Variants in ALMS1 observed in about 807,000 individuals in gnomAD.
ALMS1 encodes the protein centrosome-associated protein ALMS1.
ALMS1 carries 271 observed loss-of-function variants against 352.2 expected under a neutral mutation model. That is an observed-to-expected ratio of 0.77 (90% confidence interval 0.70 to 0.85). The LOEUF (loss-of-function observed/expected upper bound fraction) is 0.85. Ranked by LOEUF, ALMS1 falls within the 40% of genes least tolerant of loss-of-function variation. The pLI, the probability that ALMS1 is intolerant of heterozygous loss-of-function variation, is 0.00. For synonymous variants in ALMS1, 1,865 were observed against 1,761.2 expected, an observed-to-expected ratio of 1.06 and a Z score of -1.48; for missense variants, 5,445 against 4,870.7, an observed-to-expected ratio of 1.12 and a Z score of -3.51.
chr2:73,525,875 C>T (rs1190519183), intron 11 of ALMS1, among the ~76,000 whole-genome samples: 1 of 152,118 alleles, frequency 6.6e-6, no homozygotes, highest in Non-Finnish European at 1.5e-5. Context: ...AGAGAGTTTT[C>T]TCAGTGTTTT....
In ALMS1 at chr2:73,452,022, G is replaced by A. The variant is rs981510177; in HGVS notation, c.5495G>A (p.Arg1832Lys). 5.0e-6 allele frequency: 8 copies of A among 1,612,382 alleles called. No homozygotes were observed. The highest frequency in any genetic ancestry group is 6.8e-6 in the Non-Finnish European group (8 of 1,179,364). ...HFTEAGLKIL[R>K]VPGPADQKTG... ...ACTGAAGCAGGTTTGAAAATTTTAA[G>A]AGTTCCTGGACCAGCTGACCAGAAG... is the stretch of plus-strand genomic sequence containing the variant. Residue 1832 changes from arginine to lysine, a missense_variant, in exon 8 of 23, where the codon AGA becomes AAA. By Grantham distance (26) the Arg-to-Lys change is conservative. Coordinates refer to ENST00000613296, the MANE Select transcript of ALMS1 (RefSeq NM_001378454.1).
chr2:73,402,226 C>G (rs954440612), intron 1 of ALMS1, among the ~76,000 whole-genome samples: 4 of 147,324 alleles, frequency 2.7e-5, no homozygotes, highest in Non-Finnish European at 4.5e-5. Flanking sequence ...CTAGGTCATA[C>G]AAGAAAAGTA....
chr2:73,559,111 C>T lies in ALMS1; in HGVS notation c.10353C>T (p.Asn3451=), dbSNP rs1209953727. 1 of 1,613,754 alleles carries T rather than the reference C, an allele frequency of 6.2e-7. No homozygotes were observed. Among genetic ancestry groups the T allele is most frequent in the South Asian group, 1.1e-5 (1 of 91,050 alleles). The change falls in exon 15 of 23, where the codon AAC becomes AAT. Residue 3451 remains asparagine (N), a synonymous_variant. Transcript: ENST00000613296. The part of the protein sequence containing the change: ...KKTVPEEAWP[N]NKESLQINIE... ...CAGTTCCCGAGGAAGCCTGGCCAAACAATAAAGAATCCCTACAGATCAATA... is the reference window on the plus strand; with the variant it reads ...CAGTTCCCGAGGAAGCCTGGCCAAATAATAAAGAATCCCTACAGATCAATA...
At chr2:73,526,131 G>C (rs1673786325) in intron 11 of ALMS1, among the ~76,000 whole-genome samples, 1 of 152,080 alleles carries the variant, frequency 6.6e-6, no homozygotes, top group Non-Finnish European at 1.5e-5. Context: ...TGTTTCATTG[G>C]TTTATGTGCC....
rs1672977988 is a variant in ALMS1 at position 73,491,193 on chromosome 2, G to A, written c.9234G>A (p.Arg3078=). ...CATTGGATGCTGCTTCTAAAGCGAG[G>A]ATGAATAGTGAGTTTAACTTTGACT... ...FHSLDAASKA[R]MNSEFNFDLH... The change falls in exon 10 of 23, where the codon AGG becomes AGA. Residue 3078 remains arginine (R), a synonymous_variant. Coordinates refer to ENST00000613296, the MANE Select transcript of ALMS1 (RefSeq NM_001378454.1). 2 of 1,614,162 alleles carry A rather than the reference G, an allele frequency of 1.2e-6. No homozygotes were observed. Among genetic ancestry groups the A allele is most frequent in the Admixed American group, 1.7e-5 (1 of 60,022 alleles).
At chr2:73,551,099 T>C (rs1674422368) in intron 13 of ALMS1, among the ~76,000 whole-genome samples, 1 of 152,190 alleles carries the variant, frequency 6.6e-6, no homozygotes, top group Non-Finnish European at 1.5e-5. Flanking sequence ...CCTCAAGCTG[T>C]CTACCAGCCT....
At chr2:73,496,075 A>G (rs1258968572) in intron 10 of ALMS1, among the ~76,000 whole-genome samples, 2 of 152,338 alleles carry the variant, frequency 1.3e-5, no homozygotes, top group Admixed American at 6.5e-5. Flanking sequence ...ATATAGATTC[A>G]TTAGTCACAT....
rs367656336 is a variant in ALMS1 at position 73,453,164 on chromosome 2, G to T, written c.6637G>T (p.Asp2213Tyr). The T allele has an allele frequency of 3.5e-5, 56 of 1,613,904 alleles. No individual in the cohort carries two copies. In the African/African-American group the frequency reaches 7.1e-4, roughly 20 times the overall value. The part of the protein sequence containing the change: ...QRLIDNLNSS[D>Y]SSVSSNNVLL... ...GCTAATAGATAATTTGAATTCTTCTGACTCCAGTGTTAGCTCAAATAATGT... is the reference window on the plus strand; with the variant it reads ...GCTAATAGATAATTTGAATTCTTCTTACTCCAGTGTTAGCTCAAATAATGT... Residue 2213 changes from aspartate to tyrosine, a missense_variant, in exon 8 of 23, where the codon GAC (aspartate) becomes TAC (tyrosine). Asp to Tyr is a radical substitution (Grantham distance 160). Transcript: ENST00000613296.
chr2:73,389,177 T>G (rs1327105430), intron 1 of ALMS1, among the ~76,000 whole-genome samples: 2 of 152,230 alleles, frequency 1.3e-5, no homozygotes, highest in East Asian at 3.8e-4. Context: ...TAATTTGCAT[T>G]TCTCTGATGC....
chr2:73,581,609 GTTTTCCGTAT>G (rs1675179414), intron 16 of ALMS1, among the ~76,000 whole-genome samples: 1 of 152,182 alleles, frequency 6.6e-6, no homozygotes, highest in Non-Finnish European at 1.5e-5. Flanking sequence ...GGCTTTGACA[GTTTTCCGTAT>G]TTTTTGGTGT....
rs1320008798 is a variant in ALMS1, at chr2:73,491,237, G to T, written c.9278G>T (p.Arg3093Ile). Residue 3093 changes from arginine to isoleucine, a missense_variant, in exon 10 of 23, where the codon AGA (arginine) becomes ATA (isoleucine). By Grantham distance (97) the Arg-to-Ile change is moderately conservative (BLOSUM62 -3). Coordinates refer to ENST00000613296, the MANE Select transcript of ALMS1 (RefSeq NM_001378454.1). Reference protein sequence around the residue: ...FNFDLHTVSSRSLEPTSKLLT... With the variant: ...FNFDLHTVSSISLEPTSKLLT... ...TTTGACTTACATACTGTATCTTCGA[G>T]ATCACTGGAACCAACCTCCAAATTA... is the stretch of plus-strand genomic sequence containing the variant. 1.1e-5 allele frequency: 18 copies of T among 1,614,102 alleles called. No individual in the cohort carries two copies. Among genetic ancestry groups the T allele is most frequent in the Non-Finnish European group, 1.5e-5 (18 of 1,180,006 alleles).
Position 73,452,150 on chromosome 2 carries a change from G to T in ALMS1, c.5623G>T (p.Ala1875Ser). Reference sequence around the variant, plus strand: ...AGATCTTACTGAAGTAACTTTGAAAGCAATAGGGGTTCCTGGGCCTGCTGA... The same window carrying T: ...AGATCTTACTGAAGTAACTTTGAAATCAATAGGGGTTCCTGGGCCTGCTGA... ...LPDLTEVTLK[A>S]IGVPGPADQK... is the part of the protein sequence containing the mutation. The change falls in exon 8 of 23, where the codon GCA becomes TCA. Residue 1875 changes from alanine to serine, a missense_variant. Physicochemically the swap from Ala to Ser is moderately conservative, Grantham distance 99. Transcript: ENST00000613296. The T allele has an allele frequency of 6.2e-7, 1 of 1,609,048 alleles. No individual in the cohort carries two copies. Among genetic ancestry groups the T allele is most frequent in the Non-Finnish European group, 8.5e-7 (1 of 1,176,700 alleles).
intron 21 of ALMS1, 151 bp downstream of exon 21, chr2:73,603,455 A>T: frequency 1.1e-5 from 2 of 183,964 alleles, no homozygotes; most frequent in East Asian, 1.2e-4. Flanking sequence ...TATGGCACTG[A>T]AAAAAAAAAA....
chr2:73,522,418 A>G (rs1169273637), intron 11 of ALMS1, among the ~76,000 whole-genome samples: 5 of 150,074 alleles, frequency 3.3e-5, no homozygotes, highest in African/African-American at 1.2e-4. Flanking sequence ...TTTTTTCCTG[A>G]TAGAGTGGTA....
chr2:73,404,899 CTTTTTTTTTTTTT>C (rs58122480), intron 1 of ALMS1, among the ~76,000 whole-genome samples: 24 of 60,782 alleles, frequency 3.9e-4, no homozygotes, highest in South Asian at 3.2e-3. Flanking sequence ...TGTCCTGGAC[CTTTTTTTTTTTTT>C]TTTTTTTTTT....
In ALMS1 at chr2:73,454,177, GA is replaced by G. The variant is rs376683267; in HGVS notation, c.7540+118del. 1.6e-3 allele frequency: 2,311 copies of G among 1,485,544 alleles called. 65 individuals are homozygous for G. The South Asian group carries it at 0.028, about 18-fold the overall frequency. The allele number at this position is 1,485,544 out of a possible 1,614,324, so 92.0% of individuals were successfully genotyped here. A position where few individuals can be genotyped will look rare whatever the true frequency, so the allele number is the denominator to read the frequency against. On this transcript the variant is annotated intron_variant, in intron 8 of 22. Transcript: ENST00000613296. The stretch of plus-strand genomic sequence containing the variant: ...CAATGAAAAATACAAGCAAGATCAA[GA>G]AAAAAAATGAAGTTAGATATTTGGA...
rs530339364 is a variant in ALMS1 at position 73,510,844 on chromosome 2, AG to A, written c.9540-8928del. 6.8e-4 allele frequency among the ~76,000 whole-genome samples: 103 copies of A among 152,276 alleles called. No homozygotes were observed. The South Asian group carries it at 9.5e-3, about 14-fold the overall frequency. ...CCCCTTCCCCCAGGTGCTCTGTCCCAGGGAGATGGGAGTTTTATCTATAAGC... is the reference window on the plus strand; with the variant it reads ...CCCCTTCCCCCAGGTGCTCTGTCCCAGGAGATGGGAGTTTTATCTATAAGC... On this transcript the variant is annotated intron_variant, in intron 10 of 22. Transcript: ENST00000613296.
chr2:73,546,985 A>C (rs1175242408), intron 12 of ALMS1, among the ~76,000 whole-genome samples: 1 of 152,206 alleles, frequency 6.6e-6, no homozygotes, highest in Non-Finnish European at 1.5e-5. Flanking sequence ...CCCAATTTAC[A>C]GTGGTTCCGT....
At chr2:73,435,206 T>A (rs1558643093) in intron 7 of ALMS1, among the ~76,000 whole-genome samples, 2 of 152,354 alleles carry the variant, frequency 1.3e-5, no homozygotes, top group East Asian at 3.9e-4. Context: ...TATCTGTTTT[T>A]GCCTTGTGAT....
Sources: allele counts gnomAD v4.1 joint callset (sites outside exome capture counted in the v4.1 genomes callset), GRCh38; gene constraint gnomAD v4.1.1; transcripts MANE v1.5; gene names NCBI Gene and HGNC (gene_info 2026-07-23, HGNC 2026-07-21).